The following CEP120 variants were observed in gnomAD, a reference collection of about 807,000 sequenced individuals.
The protein encoded by CEP120 is centrosomal protein 120.
A neutral mutation model predicts 126.5 loss-of-function variants in CEP120; 113 were observed. The observed-to-expected ratio is 0.89, with a 90% CI of 0.77 to 1.04. The LOEUF is 1.04. CEP120 is among the 50% of genes least tolerant of loss of function. The pLI is 0.00. For synonymous variants in CEP120, 400 were observed against 394.3 expected (o/e 1.01, Z -0.17); for missense variants, 1,230 against 1,155.7 (o/e 1.06, Z -0.93).
At chr5:123,409,995 CA>C (rs1748914165) in intron 4 of CEP120, among the ~76,000 whole-genome samples, 1 of 139,876 alleles carries the variant, frequency 7.1e-6, no homozygotes, top group African/African-American at 2.6e-5. Flanking sequence ...AAAAAAACCA[CA>C]CACACACACA....
intron 13 of CEP120, 144 bp from the exon 14 acceptor site, chr5:123,382,344 A>T: frequency 2.3e-6 from 1 of 437,840 alleles, no homozygotes; most frequent in South Asian, 3.6e-5. Flanking sequence ...AAAAAAAAAA[A>T]AGGAGGATGC....
At chr5:123,422,613 G>A (rs896538536) in intron 1 of CEP120, 1 of 1,388,438 alleles carries the variant, frequency 7.2e-7, no homozygotes, top group African/African-American at 1.4e-5. Flanking sequence ...TGCTATTATT[G>A]GGAACCGCTG....
intron 2 of CEP120, among the ~76,000 whole-genome samples, chr5:123,417,556 T>C (rs1166299174): frequency 6.6e-6 from 1 of 152,066 alleles, no homozygotes; most frequent in South Asian, 2.1e-4. Flanking sequence ...AGAATTACTT[T>C]CATAACTTTT....
chr5:123,376,870 T>TA (rs1167054598), intron 16 of CEP120, among the ~76,000 whole-genome samples: 6 of 152,172 alleles, frequency 3.9e-5, no homozygotes, highest in Middle Eastern at 3.4e-3. Context: ...GTCCAACATG[T>TA]AACGGCTAAA....
At position 123,383,612 on chromosome 5, in the gene CEP120, T is replaced by C. The variant is rs77751616; in HGVS notation, c.1764-530A>G. On this transcript the variant is annotated intron_variant, in intron 11 of 19. Transcript: ENST00000306467. ...CCCCTACTCTTGATTATATTGGTTATTCTGAATTCTTTTTTCTACTTTTCC... is the reference window on the plus strand; with the variant it reads ...CCCCTACTCTTGATTATATTGGTTACTCTGAATTCTTTTTTCTACTTTTCC... Among the ~76,000 whole-genome samples, 143 of 152,236 alleles carry C rather than the reference T, an allele frequency of 9.4e-4. 3 individuals carry two copies. The East Asian group carries it at 0.025, about 27-fold the overall frequency.
intron 5 of CEP120, among the ~76,000 whole-genome samples, chr5:123,397,728 G>T (rs550999583): frequency 1.2e-4 from 18 of 152,294 alleles, no homozygotes; most frequent in African/African-American, 4.3e-4. Flanking sequence ...AAATAAAATT[G>T]TGGCCACTAA....
At chr5:123,388,148 T>C (rs1426605807) in intron 9 of CEP120, among the ~76,000 whole-genome samples, 2 of 152,116 alleles carry the variant, frequency 1.3e-5, no homozygotes, top group Admixed American at 1.3e-4. Context: ...ATATGGCATA[T>C]TATGTATGTT....
chr5:123,401,859 T>A (rs1466560176), intron 4 of CEP120: 4 of 1,540,868 alleles, frequency 2.6e-6, no homozygotes. Context: ...AAGCTCCGCC[T>A]CCAGCTTCAG....
At chr5:123,405,553 T>A (rs748664417) in intron 4 of CEP120, among the ~76,000 whole-genome samples, 16 of 152,168 alleles carry the variant, frequency 1.1e-4, no homozygotes, top group Non-Finnish European at 2.2e-4. Context: ...GCCTCTGGTC[T>A]TCCATGCAAG....
chr5:123,382,973 C>G lies in CEP120; in HGVS notation c.1860+13G>C. 6.3e-7 allele frequency: 1 copy of G among 1,595,634 alleles called. No individual in the cohort carries two copies. Among genetic ancestry groups the G allele is most frequent in the Non-Finnish European group, 8.6e-7 (1 of 1,169,126 alleles). On this transcript the variant is annotated intron_variant, in intron 12 of 19. Coordinates refer to ENST00000306467, the MANE Select transcript of CEP120 (RefSeq NM_001375405.1). Reference sequence around the variant, plus strand: ...CTTTTAAAAAAAATTTGATAACATTCAATTATATTTACCTGAGATGAATCA... The same window carrying G: ...CTTTTAAAAAAAATTTGATAACATTGAATTATATTTACCTGAGATGAATCA...
chr5:123,354,015 G>A (rs573783892), intron 18 of CEP120, among the ~76,000 whole-genome samples: 70 of 152,080 alleles, frequency 4.6e-4, no homozygotes, highest in African/African-American at 1.7e-3. Flanking sequence ...AATATTTAGA[G>A]AGCAGATTTA....
At chr5:123,377,313 T>C in intron 16 of CEP120, 61 bp downstream of exon 16, 4 of 1,501,292 alleles carry the variant, frequency 2.7e-6, no homozygotes, top group Non-Finnish European at 3.6e-6. Flanking sequence ...GTGAACTATT[T>C]CTCTTATTAC....
chr5:123,381,476 G>A (rs1464442788), intron 14 of CEP120, among the ~76,000 whole-genome samples: 1 of 152,068 alleles, frequency 6.6e-6, no homozygotes, highest in African/African-American at 2.4e-5. Context: ...ATTATTAATA[G>A]AATATTTGAA....
Position 123,415,985 on chromosome 5 carries a change from T to C in CEP120, c.321+25A>G, listed in dbSNP as rs144662406. 3.7e-4 allele frequency: 537 copies of C among 1,434,594 alleles called. 1 individual carries two copies. In the East Asian group the frequency reaches 0.011, roughly 30 times the overall value. 88.9% of individuals were successfully genotyped at this position (1,434,594 alleles called of 1,614,324 possible). ...ATAATCGACTGTCTAACATAATCAT[T>C]AGCAAAACATCAAAAGGGCAATACC... is the stretch of plus-strand genomic sequence containing the variant. On this transcript the variant is annotated intron_variant, in intron 3 of 19. Coordinates refer to ENST00000306467, the MANE Select transcript of CEP120 (RefSeq NM_001375405.1).
At chr5:123,384,835 G>A in intron 11 of CEP120, 116 bp downstream of exon 11, 1 of 842,964 alleles carries the variant, frequency 1.2e-6, no homozygotes, top group Non-Finnish European at 1.8e-6. Flanking sequence ...TTATGAAAGG[G>A]TGAAGTGGTG....
chr5:123,400,092 T>C (rs2127092830), intron 4 of CEP120, among the ~76,000 whole-genome samples: 1 of 152,324 alleles, frequency 6.6e-6, no homozygotes, highest in South Asian at 2.1e-4. Flanking sequence ...ATCAAAATTT[T>C]ACATGTGCAT....
Position 123,346,584 on chromosome 5 carries a change from G to A in CEP120, c.2896C>T (p.Arg966Ter). The A allele has an allele frequency of 1.9e-6, 3 of 1,613,534 alleles. No homozygotes were observed. Among genetic ancestry groups the A allele is most frequent in the Non-Finnish European group, 1.7e-6 (2 of 1,179,858 alleles). ...MRTGVYNHEDRIISELDRQIR... is the reference protein window; with the variant it reads ...MRTGVYNHED Reference sequence around the variant, plus strand: ...TGTCGGTCGAGTTCACTTATTATTCGATCCTCGTGATTATACACACCCGTT... The same window carrying A: ...TGTCGGTCGAGTTCACTTATTATTCAATCCTCGTGATTATACACACCCGTT... Residue 966 changes from arginine (R) to a stop codon, truncating the protein, a stop_gained, in exon 20 of 20, where the codon CGA becomes TGA. Transcript: ENST00000306467. LOFTEE classifies it high-confidence loss of function.
At position 123,423,036 on chromosome 5, in the gene CEP120, G is replaced by C. The variant is rs769455253; in HGVS notation, c.-38C>G. 5.6e-5 allele frequency: 88 copies of C among 1,579,680 alleles called. 1 individual carries two copies. The highest frequency in any genetic ancestry group is 7.3e-5 in the Non-Finnish European group (84 of 1,149,466). On this transcript the variant is annotated 5_prime_UTR_variant, in exon 1 of 20. Coordinates refer to ENST00000306467, the MANE Select transcript of CEP120 (RefSeq NM_001375405.1). ...CGGTCCGGGGGCGAAGGCGGCTGGG[G>C]GGAAGTGAGGTCCAGTTGAGTCGCG...
chr5:123,423,063 G>T lies in CEP120; in HGVS notation c.-65C>A. 7.1e-7 allele frequency: 1 copy of T among 1,411,182 alleles called. No individual in the cohort carries two copies. The highest frequency in any genetic ancestry group is 1.0e-6 in the Non-Finnish European group (1 of 998,964). 87.4% of individuals were successfully genotyped at this position (1,411,182 alleles called of 1,614,324 possible). A position where few individuals can be genotyped will look rare whatever the true frequency, so the allele number is the denominator to read the frequency against. On this transcript the variant is annotated 5_prime_UTR_variant, in exon 1 of 20. Coordinates refer to ENST00000306467, the MANE Select transcript of CEP120 (RefSeq NM_001375405.1). Reference sequence around the variant, plus strand: ...GAAGTGAGGTCCAGTTGAGTCGCGGGTAATCCGGGACCCCCGGCGGGACCC... The same window carrying T: ...GAAGTGAGGTCCAGTTGAGTCGCGGTTAATCCGGGACCCCCGGCGGGACCC...
Sources: gnomAD v4.1 joint callset for allele counts (sites outside exome capture counted in the v4.1 genomes callset) on GRCh38, gnomAD v4.1.1 for gene constraint, MANE v1.5 for transcripts, NCBI Gene and HGNC (gene_info 2026-07-23, HGNC 2026-07-21) for gene names.